Variants in MAPRE2 observed in about 807,000 individuals in gnomAD.
MAPRE2 encodes microtubule-associated protein RP/EB family member 2.
A neutral mutation model predicts 43.2 loss-of-function variants in MAPRE2; 13 were observed. The observed-to-expected ratio is 0.30, with a 90% CI of 0.20 to 0.48. MAPRE2 has a LOEUF of 0.48. Among genes scored for constraint, MAPRE2 ranks in the 20% least tolerant of loss-of-function variants. The pLI, the probability that MAPRE2 is intolerant of heterozygous loss-of-function variation, is 0.99. For synonymous variants in MAPRE2, 135 were observed against 148.8 expected (o/e 0.91, Z 0.68); for missense variants, 161 against 400.2 (o/e 0.40, Z 5.10).
chr18:35,055,138 C>T (rs1298212133), intron 1 of MAPRE2, among the ~76,000 whole-genome samples: 2 of 152,150 alleles, frequency 1.3e-5, no homozygotes, highest in Non-Finnish European at 2.9e-5. Flanking sequence ...TTTTCCAGGG[C>T]TCCCATAACA....
intron 4 of MAPRE2, among the ~76,000 whole-genome samples, chr18:35,118,963 AC>A (rs946047998): frequency 4.4e-4 from 67 of 152,100 alleles, no homozygotes; most frequent in African/African-American, 1.6e-3. Flanking sequence ...ACTGTGAGAG[AC>A]CTTGAAGAAG....
At chr18:35,134,073 C>A (rs1910282586) in intron 6 of MAPRE2, among the ~76,000 whole-genome samples, 1 of 152,170 alleles carries the variant, frequency 6.6e-6, no homozygotes, top group Non-Finnish European at 1.5e-5. Context: ...TCTGAGACAC[C>A]TGGTTGGGGT....
At chr18:35,093,514 T>G (rs1603400308) in intron 2 of MAPRE2, among the ~76,000 whole-genome samples, 1 of 152,316 alleles carries the variant, frequency 6.6e-6, no homozygotes, top group East Asian at 1.9e-4. Context: ...GGAATCAACC[T>G]TAGTGTCCAT....
intron 2 of MAPRE2, among the ~76,000 whole-genome samples, chr18:35,092,316 C>A (rs560196751): frequency 6.6e-6 from 1 of 152,172 alleles, no homozygotes; most frequent in African/African-American, 2.4e-5. Context: ...TAAATCCACA[C>A]GTTTGTAGCC....
intron 6 of MAPRE2, among the ~76,000 whole-genome samples, chr18:35,134,162 C>G (rs1219799182): frequency 1.3e-5 from 2 of 152,178 alleles, no homozygotes; most frequent in Non-Finnish European, 1.5e-5. Context: ...TATTAGGTAG[C>G]TATTGTCATC....
Position 35,096,813 on chromosome 18 carries a change from A to AAGTAATACTTAATAAGTAATACTT in MAPRE2, c.251-618_251-595dup, listed in dbSNP as rs1430484229. Among the ~76,000 whole-genome samples, 538 of 145,976 alleles carry AAGTAATACTTAATAAGTAATACTT rather than the reference A, an allele frequency of 3.7e-3. 3 individuals carry two copies. Among genetic ancestry groups the AAGTAATACTTAATAAGTAATACTT allele is most frequent in the African/African-American group, 0.013 (508 of 37,920 alleles). On this transcript the variant is annotated intron_variant, in intron 2 of 6. Coordinates refer to ENST00000300249, the MANE Select transcript of MAPRE2 (RefSeq NM_014268.4). ...GTATAAGTAATACTTAATACTTAAT[A>AAGTAATACTTAATAAGTAATACTT]AGTAATACTTAATAAGTAATACTTA...
intron 1 of MAPRE2, among the ~76,000 whole-genome samples, chr18:35,065,757 T>G (rs1906806963): frequency 6.6e-6 from 1 of 152,172 alleles, no homozygotes; most frequent in Non-Finnish European, 1.5e-5. Context: ...TTTCGCCATG[T>G]TGGCCAGGCT....
At chr18:35,065,851 G>T (rs529435040) in intron 1 of MAPRE2, among the ~76,000 whole-genome samples, 1 of 152,328 alleles carries the variant, frequency 6.6e-6, no homozygotes, top group Non-Finnish European at 1.5e-5. Context: ...ACCGCGCCTG[G>T]CCTGCACTGA....
chr18:34,978,323 C>T, intron 1 of MAPRE2: 1 of 649,470 alleles, frequency 1.5e-6, no homozygotes, highest in South Asian at 1.8e-5. Flanking sequence ...GCGCTCAAAC[C>T]CGCGCCCGCG....
intron 1 of MAPRE2, 83 bp from the exon 2 acceptor site, chr18:35,070,112 C>A: frequency 3.1e-6 from 4 of 1,281,138 alleles, no homozygotes; most frequent in Non-Finnish European, 4.3e-6. Flanking sequence ...TGGAGTCCTG[C>A]CAGGATCTTG....
intron 3 of MAPRE2, among the ~76,000 whole-genome samples, chr18:35,100,106 C>T (rs764630532): frequency 1.4e-4 from 21 of 152,112 alleles, no homozygotes; most frequent in Non-Finnish European, 2.9e-4. Context: ...TACACACTCA[C>T]ACACATTCAC....
At chr18:35,119,359 A>C (rs1909567588) in intron 4 of MAPRE2, among the ~76,000 whole-genome samples, 1 of 152,056 alleles carries the variant, frequency 6.6e-6, no homozygotes, top group African/African-American at 2.4e-5. Flanking sequence ...AGCTCTGTCT[A>C]CCCAACCCTG....
rs549176263 is a variant in MAPRE2, at chr18:35,090,439, G to T, written c.251-7007G>T. Among the ~76,000 whole-genome samples, 11 of 152,144 alleles carry T rather than the reference G, an allele frequency of 7.2e-5. No homozygotes were observed. In the South Asian group the frequency reaches 2.1e-3, roughly 29 times the overall value. ...AATGAAAGGCATCCAAATTAGAAAG[G>T]AGGAACTCAGGGCCGGGCATGGTGG... On this transcript the variant is annotated intron_variant, in intron 2 of 6. Transcript: ENST00000300249.
intron 1 of MAPRE2, among the ~76,000 whole-genome samples, chr18:35,003,673 T>C (rs2097030463): frequency 6.6e-6 from 1 of 152,254 alleles, no homozygotes; most frequent in Admixed American, 6.5e-5. Context: ...CTTATGTTCC[T>C]GCTTCGTAGC....
chr18:35,142,905 T>G lies in MAPRE2; in HGVS notation c.*2536T>G, dbSNP rs617759. On this transcript the variant is annotated 3_prime_UTR_variant, in exon 7 of 7. Transcript: ENST00000300249. ...CGGGCTGGGCAGGAAGCGTCCCTGA[T>G]TGCGTGCTCCACTTCTCCCTCTCAG... 116,211 of 151,306 alleles carry G rather than the reference T, an allele frequency of 0.77. 45,572 individuals are homozygous for G. Among genetic ancestry groups the G allele is most frequent in the African/African-American group, 0.94 (38,844 of 41,300 alleles). 9.4% of individuals were successfully genotyped at this position (151,306 alleles called of 1,614,324 possible).
Position 34,978,364 on chromosome 18 carries a change from G to A in MAPRE2, c.-70+1285G>A, listed in dbSNP as rs73949042. 593 of 743,882 alleles carry A rather than the reference G, an allele frequency of 8.0e-4. 2 individuals are homozygous for A. The African/African-American group carries it at 9.6e-3, about 12-fold the overall frequency. 46.1% of individuals were successfully genotyped at this position (743,882 alleles called of 1,614,324 possible). A position where few individuals can be genotyped will look rare whatever the true frequency, so the allele number is the denominator to read the frequency against. On this transcript the variant is annotated intron_variant, in intron 1 of 7. Coordinates refer to the MAPRE2 transcript ENST00000413393. ...CGAAACGGAAGAACTTCCTTGATTA[G>A]CATAGTATCGACCCTGGGGCCGCGC...
chr18:35,066,070 T>A (rs1906825175), intron 1 of MAPRE2, among the ~76,000 whole-genome samples: 1 of 152,228 alleles, frequency 6.6e-6, no homozygotes, highest in African/African-American at 2.4e-5. Context: ...CCCCGCACAG[T>A]GAGTTGCTCC....
intron 5 of MAPRE2, 200 bp from the exon 6 acceptor site, chr18:35,131,832 A>G (rs764811015): frequency 1.4e-5 from 8 of 571,658 alleles, no homozygotes; most frequent in South Asian, 6.5e-5. Flanking sequence ...GGGAATGACC[A>G]GAGTGCTGTG....
In MAPRE2 at chr18:35,130,544, A is replaced by G. The variant is rs147713057; in HGVS notation, c.751-1488A>G. Among the ~76,000 whole-genome samples the G allele has an allele frequency of 1.2e-3, 180 of 152,286 alleles. 1 individual carries two copies. The highest frequency in any genetic ancestry group is 3.6e-3 in the African/African-American group (150 of 41,554). On this transcript the variant is annotated intron_variant, in intron 5 of 6. Transcript: ENST00000300249. ...ATCAGTAATTCCAGATGGATAAAGC[A>G]TACACAAAGGCCCAGAATTATTAGA...
Sources: gnomAD v4.1 joint callset for allele counts (sites outside exome capture counted in the v4.1 genomes callset) on GRCh38, gnomAD v4.1.1 for gene constraint, MANE v1.5 for transcripts, NCBI Gene and HGNC (gene_info 2026-07-23, HGNC 2026-07-21) for gene names.